The following BLTP1 variants were observed in gnomAD, a reference collection of about 807,000 sequenced individuals.
BLTP1 encodes bridge-like lipid transfer protein family member 1.
At chr4:122,207,741 A>G in the BLTP1 span, 8 of 1,090,062 alleles carry the variant, frequency 7.3e-6, no homozygotes, top group Admixed American at 2.7e-5. Context: ...TGCAACTTCA[A>G]AGTATTTTTA....
At chr4:122,307,055 T>A in the BLTP1 span, among the ~76,000 whole-genome samples, 1 of 145,162 alleles carries the variant, frequency 6.9e-6, no homozygotes, top group Non-Finnish European at 1.5e-5. Context: ...ACAGGTTGAG[T>A]ACTGGTTTTC....
chr4:122,186,286 T>C, the BLTP1 span: 1 of 1,379,168 alleles, frequency 7.3e-7, no homozygotes, highest in African/African-American at 1.5e-5. Context: ...TATTAGAATA[T>C]CATTGAGGCT....
chr4:122,162,715 T>C, the BLTP1 span: 2 of 936,426 alleles, frequency 2.1e-6, no homozygotes, highest in Non-Finnish European at 2.5e-6. Flanking sequence ...TAGAAGGTAA[T>C]GGGGTTATAA....
the BLTP1 span, chr4:122,343,650 A>T: frequency 3.4e-4 from 544 of 1,598,408 alleles, 5 homozygotes; most frequent in East Asian, 9.8e-3. Flanking sequence ...GATTTACAGC[A>T]TCTTTTCAAG....
At chr4:122,304,236 CAG>C in the BLTP1 span, among the ~76,000 whole-genome samples, 6 of 152,212 alleles carry the variant, frequency 3.9e-5, no homozygotes, top group African/African-American at 1.4e-4. Flanking sequence ...GTTTTTGAGA[CAG>C]AGTCTTGCTC....
chr4:122,284,167 C>G, the BLTP1 span, among the ~76,000 whole-genome samples: 1 of 152,126 alleles, frequency 6.6e-6, no homozygotes, highest in Non-Finnish European at 1.5e-5. Context: ...TTTTGTTAAT[C>G]TGATACTCAG....
chr4:122,262,954 C>T, the BLTP1 span: 1 of 1,613,842 alleles, frequency 6.2e-7, no homozygotes. Flanking sequence ...AGCAGTGCTG[C>T]TGTGAAAAGT....
chr4:122,346,593 C>A, the BLTP1 span: 1 of 1,601,862 alleles, frequency 6.2e-7, no homozygotes, highest in Non-Finnish European at 8.5e-7. Flanking sequence ...TTTTAGAAAT[C>A]TGTACTAACA....
the BLTP1 span, chr4:122,347,763 T>G: frequency 1.2e-6 from 2 of 1,613,384 alleles, no homozygotes; most frequent in African/African-American, 1.3e-5. Context: ...TATCTGATTC[T>G]TCAGTTCCTC....
the BLTP1 span, chr4:122,287,698 T>C: frequency 1.0e-6 from 1 of 985,206 alleles, no homozygotes; most frequent in Non-Finnish European, 1.2e-6. Flanking sequence ...GGGACATATT[T>C]AAGTCTGATT....
the BLTP1 span, among the ~76,000 whole-genome samples, chr4:122,355,384 G>A: frequency 3.5e-4 from 53 of 151,922 alleles, no homozygotes; most frequent in African/African-American, 1.2e-3. Context: ...TCAATCTATG[G>A]AGCCCTTTGG....
chr4:122,231,099 A>G, the BLTP1 span, among the ~76,000 whole-genome samples: 1 of 152,336 alleles, frequency 6.6e-6, no homozygotes, highest in African/African-American at 2.4e-5. Context: ...ATTTCCCATT[A>G]TAAATGATAG....
chr4:122,283,053 T>C, the BLTP1 span, among the ~76,000 whole-genome samples: 1 of 152,202 alleles, frequency 6.6e-6, no homozygotes, highest in African/African-American at 2.4e-5. Flanking sequence ...TTCATTTTCA[T>C]GTAATTGAAT....
the BLTP1 span, among the ~76,000 whole-genome samples, chr4:122,301,825 G>C: frequency 6.6e-6 from 1 of 152,128 alleles, no homozygotes; most frequent in Non-Finnish European, 1.5e-5. Flanking sequence ...CTTTTAGAAG[G>C]CTGATGCAGG....
the BLTP1 span, among the ~76,000 whole-genome samples, chr4:122,320,026 A>AT: frequency 6.6e-6 from 1 of 151,964 alleles, no homozygotes; most frequent in Non-Finnish European, 1.5e-5. Context: ...GTCCTTATTG[A>AT]TTTTTTTGTG....
chr4:122,252,078 A>G, the BLTP1 span, among the ~76,000 whole-genome samples: 3 of 152,222 alleles, frequency 2.0e-5, no homozygotes, highest in Non-Finnish European at 4.4e-5. Context: ...ATTGAAGGAA[A>G]GGACCCAGTC....
the BLTP1 span, among the ~76,000 whole-genome samples, chr4:122,335,071 G>T: frequency 3.8e-4 from 58 of 151,638 alleles, no homozygotes; most frequent in Admixed American, 3.7e-3. Flanking sequence ...GTATTCAGAT[G>T]ACAATACTTG....
chr4:122,231,130 A>G, the BLTP1 span, among the ~76,000 whole-genome samples: 1 of 152,138 alleles, frequency 6.6e-6, no homozygotes, highest in Non-Finnish European at 1.5e-5. Context: ...TTGCACATAA[A>G]ATATTTTCCC....
chr4:122,286,222 T>G, the BLTP1 span: 5 of 163,916 alleles, frequency 3.1e-5, no homozygotes, highest in South Asian at 6.0e-4. Flanking sequence ...GTTACAATGC[T>G]TCTGTAATAA....
Sources: gnomAD v4.1 joint callset for allele counts (sites outside exome capture counted in the v4.1 genomes callset) on GRCh38, gnomAD v4.1.1 for gene constraint, MANE v1.5 for transcripts, NCBI Gene and HGNC (gene_info 2026-07-23, HGNC 2026-07-21) for gene names.